RCAN1: variants seen among roughly 807,000 people sequenced by gnomAD.
RCAN1 encodes the protein calcipressin-1.
RCAN1 carries 11 observed loss-of-function variants against 22.9 expected under a neutral mutation model. That is an observed-to-expected ratio of 0.48 (90% CI 0.30 to 0.79). The LOEUF (loss-of-function observed/expected upper bound fraction) is 0.79, where lower values mean the gene tolerates loss of function less well. Among genes scored for constraint, RCAN1 ranks in the 30% least tolerant of loss-of-function variants. The pLI, the probability that RCAN1 is intolerant of heterozygous loss-of-function variation, is 0.06. For synonymous variants in RCAN1, 136 were observed against 142.3 expected, an observed-to-expected ratio of 0.96 and a Z score of 0.32; for missense variants, 291 against 337.8, an observed-to-expected ratio of 0.86 and a Z score of 1.09.
At chr21:34,582,390 C>T (rs1015529999) in intron 1 of RCAN1, among the ~76,000 whole-genome samples, 7 of 151,928 alleles carry the variant, frequency 4.6e-5, no homozygotes, top group African/African-American at 7.3e-5. Context: ...GGGAATGGTG[C>T]GCTCGCTTAG....
At chr21:34,554,216 G>A (rs1428469969) in intron 1 of RCAN1, among the ~76,000 whole-genome samples, 1 of 152,162 alleles carries the variant, frequency 6.6e-6, no homozygotes, top group Non-Finnish European at 1.5e-5. Context: ...TAGTAATCAA[G>A]TATGTGTTTC....
intron 1 of RCAN1, among the ~76,000 whole-genome samples, chr21:34,554,091 A>G (rs549431774): frequency 6.6e-6 from 1 of 152,362 alleles, no homozygotes; most frequent in South Asian, 2.1e-4. Context: ...GAAACAATGC[A>G]CTATTCGAAT....
Position 34,519,719 on chromosome 21 carries a change from T to C in RCAN1, c.587-1463A>G, listed in dbSNP as rs377733038. The stretch of plus-strand genomic sequence containing the variant: ...GCCTGTGCTTGGGATTTCTTTGCAG[T>C]TCGGGTAAGCGAGGAGGCACCGCAC... On this transcript the variant is annotated intron_variant, in intron 3 of 3. Transcript: ENST00000313806. Among the ~76,000 whole-genome samples, 9 of 152,172 alleles carry C rather than the reference T, an allele frequency of 5.9e-5. No homozygotes were observed. The East Asian group carries it at 1.4e-3, about 23-fold the overall frequency.
intron 1 of RCAN1, among the ~76,000 whole-genome samples, chr21:34,608,697 C>T (rs1269830767): frequency 6.6e-6 from 1 of 152,166 alleles, no homozygotes; most frequent in Non-Finnish European, 1.5e-5. Flanking sequence ...ATTATTTAAG[C>T]CACTAAGTGT....
chr21:34,521,549 G>A lies in RCAN1; in HGVS notation c.536C>T (p.Thr179Ile). 1.2e-6 allele frequency: 2 copies of A among 1,614,254 alleles called. No homozygotes were observed. Among genetic ancestry groups the A allele is most frequent in the Non-Finnish European group, 1.7e-6 (2 of 1,180,052 alleles). The change falls in exon 3 of 4, where the codon ACC (threonine) becomes ATC (isoleucine). Residue 179 changes from threonine (T) to isoleucine (I), a missense_variant. Physicochemically the swap from Thr to Ile is moderately conservative, Grantham distance 89. Transcript: ENST00000313806. ...PVGWKQVEDA[T>I]PVINYDLLYA... Reference sequence around the variant, plus strand: ...TAAGAGATCATAGTTTATGACTGGGGTCGCATCTTCCACTTGTTTCCATCC... The same window carrying A: ...TAAGAGATCATAGTTTATGACTGGGATCGCATCTTCCACTTGTTTCCATCC...
intron 2 of RCAN1, 52 bp downstream of exon 2, chr21:34,523,485 A>G: frequency 6.3e-7 from 1 of 1,579,746 alleles, no homozygotes; most frequent in Non-Finnish European, 8.6e-7. Context: ...CTGCTTTACA[A>G]AAGGGAGGGA....
intron 1 of RCAN1, among the ~76,000 whole-genome samples, chr21:34,533,029 C>G (rs183226630): frequency 1.3e-5 from 2 of 150,536 alleles, no homozygotes; most frequent in Non-Finnish European, 2.9e-5. Context: ...GGCACTATCT[C>G]GGCTCACTGC....
At position 34,530,616 on chromosome 21, in the gene RCAN1, G is replaced by GTTTTTTTTTTTT. The variant is rs59150851; in HGVS notation, c.253-6918_253-6907dup. ...TTTTTGCTTCTAAGATAGTGAAATAGTTTTTTTTTTTTTTTTTTTTTTTTT... is the reference window on the plus strand; with the variant it reads ...TTTTTGCTTCTAAGATAGTGAAATAGTTTTTTTTTTTTTTTTTTTTTTTTTTTTTTTTTTTTT... On this transcript the variant is annotated intron_variant, in intron 1 of 3. Coordinates refer to ENST00000313806, the MANE Select transcript of RCAN1 (RefSeq NM_004414.7). Among the ~76,000 whole-genome samples, 19 of 66,224 alleles carry GTTTTTTTTTTTT rather than the reference G, an allele frequency of 2.9e-4. 1 individual carries two copies. Among genetic ancestry groups the GTTTTTTTTTTTT allele is most frequent in the African/African-American group, 7.0e-4 (13 of 18,440 alleles). 43.4% of individuals were successfully genotyped at this position (66,224 alleles called of 152,430 possible).
intron 2 of RCAN1, 53 bp downstream of exon 2, chr21:34,523,483 CA>C (rs1431133642): frequency 6.3e-7 from 1 of 1,578,016 alleles, no homozygotes; most frequent in Non-Finnish European, 8.6e-7. Flanking sequence ...AGCTGCTTTA[CA>C]AAAGGGAGGG....
intron 1 of RCAN1, among the ~76,000 whole-genome samples, chr21:34,601,817 CAAAA>C (rs202036960): frequency 1.2e-5 from 1 of 83,370 alleles, no homozygotes; most frequent in Non-Finnish European, 2.3e-5. Flanking sequence ...GACTCTGTCT[CAAAA>C]AAAAAAAAAA....
At chr21:34,587,927 C>T (rs575511673) in intron 1 of RCAN1, among the ~76,000 whole-genome samples, 5 of 152,220 alleles carry the variant, frequency 3.3e-5, no homozygotes, top group Non-Finnish European at 7.4e-5. Flanking sequence ...AAGGCCTTAA[C>T]GGAACAAAAA....
At chr21:34,577,600 AAAAC>A (rs536808758) in intron 1 of RCAN1, among the ~76,000 whole-genome samples, 11 of 152,102 alleles carry the variant, frequency 7.2e-5, no homozygotes, top group African/African-American at 1.4e-4. Context: ...CCCTGTCTCA[AAAAC>A]AAACAAACAA....
At chr21:34,581,178 CTT>C (rs5843673) in intron 1 of RCAN1, among the ~76,000 whole-genome samples, 8,206 of 151,508 alleles carry the variant, frequency 0.054, 564 homozygotes, top group African/African-American at 0.15. Context: ...TCTCTAATAA[CTT>C]TTTTTTTTAA....
At chr21:34,608,655 G>A (rs1025933036) in intron 1 of RCAN1, among the ~76,000 whole-genome samples, 2 of 152,214 alleles carry the variant, frequency 1.3e-5, no homozygotes, top group African/African-American at 4.8e-5. Flanking sequence ...CTGAATTTCT[G>A]ACCCACAGAC....
chr21:34,556,091 A>AATAAATAAATAT (rs1986558259), intron 1 of RCAN1, among the ~76,000 whole-genome samples: 2 of 91,522 alleles, frequency 2.2e-5, no homozygotes, highest in Non-Finnish European at 4.2e-5. Flanking sequence ...TAAATAAATA[A>AATAAATAAATAT]ATAAATAATT....
At chr21:34,552,293 C>T (rs757154984) in intron 1 of RCAN1, among the ~76,000 whole-genome samples, 18 of 152,208 alleles carry the variant, frequency 1.2e-4, no homozygotes, top group Non-Finnish European at 5.9e-5. Context: ...GAGATCTACT[C>T]AAGGAGAATT....
chr21:34,565,869 TTTGCCTGAAGCTC>T (rs1368394523), intron 1 of RCAN1, among the ~76,000 whole-genome samples: 7 of 152,194 alleles, frequency 4.6e-5, no homozygotes, highest in Admixed American at 3.3e-4. Flanking sequence ...TGTATACACA[TTTGCCTGAAGCTC>T]TGCAAGGGCG....
chr21:34,518,988 A>T lies in RCAN1; in HGVS notation c.587-732T>A, dbSNP rs192086852. ...CTCCCGCTGGGGTGCCGCTCTGGCC[A>T]CGGGAAGAGTGTGCATCTCTGGTGC... On this transcript the variant is annotated intron_variant, in intron 3 of 3. Transcript: ENST00000313806. This position sits in a 1 kb window ranked among gnomAD's most constrained non-coding sequence, Gnocchi z 4.2. Among the ~76,000 whole-genome samples the T allele has an allele frequency of 6.1e-3, 931 of 152,318 alleles. 6 individuals are homozygous for T. The highest frequency in any genetic ancestry group is 0.021 in the African/African-American group (854 of 41,562).
intron 1 of RCAN1, among the ~76,000 whole-genome samples, chr21:34,580,326 C>A (rs1164111691): frequency 6.6e-6 from 1 of 152,150 alleles, no homozygotes; most frequent in Non-Finnish European, 1.5e-5. Flanking sequence ...GCAGGGTCAG[C>A]GCAAATGGAA....
Sources: allele counts gnomAD v4.1 joint callset (sites outside exome capture counted in the v4.1 genomes callset), GRCh38; gene constraint gnomAD v4.1.1; non-coding constraint Gnocchi (gnomAD v3.1); transcripts MANE v1.5; gene names NCBI Gene and HGNC (gene_info 2026-07-23, HGNC 2026-07-21).